GABRB3: variants seen among roughly 807,000 people sequenced by gnomAD.
GABRB3 encodes gamma-aminobutyric acid type A receptor subunit beta3.
In GABRB3, 14 loss-of-function variants were observed where a neutral mutation model predicts 52.1. That is an observed-to-expected ratio of 0.27 (90% CI 0.18 to 0.42). The LOEUF (loss-of-function observed/expected upper bound fraction) is 0.42. GABRB3 is among the 10% of genes least tolerant of loss of function. GABRB3 has a pLI of 1.00. For missense variants in GABRB3, 307 were observed against 609.1 expected, an observed-to-expected ratio of 0.50 and a Z score of 5.22; for synonymous variants, 260 against 232.3, an observed-to-expected ratio of 1.12 and a Z score of -1.08.
At chr15:26,563,061 G>C (rs142866419) in intron 7 of GABRB3, among the ~76,000 whole-genome samples, 4 of 152,198 alleles carry the variant, frequency 2.6e-5, no homozygotes, top group Non-Finnish European at 5.9e-5. Flanking sequence ...CAAAAAGTTT[G>C]TAATGTTGTT....
chr15:26,770,275 A>C (rs2140195928), intron 3 of GABRB3, among the ~76,000 whole-genome samples: 1 of 152,326 alleles, frequency 6.6e-6, no homozygotes, highest in Non-Finnish European at 1.5e-5. Flanking sequence ...TTTGTTTATA[A>C]TAGGTGTGTG....
intron 3 of GABRB3, among the ~76,000 whole-genome samples, chr15:26,684,539 C>T (rs957664588): frequency 3.9e-5 from 6 of 152,154 alleles, no homozygotes; most frequent in Admixed American, 2.0e-4. Context: ...TTTTGGCTTT[C>T]GGCGTGCCTT....
At chr15:26,634,997 T>G (rs1201136247) in intron 3 of GABRB3, among the ~76,000 whole-genome samples, 7 of 5,958 alleles carry the variant, frequency 1.2e-3, no homozygotes, top group African/African-American at 1.4e-3. Flanking sequence ...TATATATATA[T>G]ATATATATAT....
Position 26,572,942 on chromosome 15 carries a change from A to G in GABRB3, c.683-5209T>C, listed in dbSNP as rs559034999. Among the ~76,000 whole-genome samples the G allele has an allele frequency of 2.0e-5, 3 of 152,326 alleles. No individual in the cohort carries two copies. In the East Asian group the frequency reaches 5.8e-4, roughly 29 times the overall value. On this transcript the variant is annotated intron_variant, in intron 6 of 8. Coordinates refer to ENST00000311550, the MANE Select transcript of GABRB3 (RefSeq NM_000814.6). ...CCCAGATGCAGTCACCATTATGCCAAAAACACAGCTCTGGGTCTCTAATCC... is the reference window on the plus strand; with the variant it reads ...CCCAGATGCAGTCACCATTATGCCAGAAACACAGCTCTGGGTCTCTAATCC...
At chr15:26,619,571 T>C (rs956277318) in intron 4 of GABRB3, among the ~76,000 whole-genome samples, 12 of 149,454 alleles carry the variant, frequency 8.0e-5, no homozygotes, top group Non-Finnish European at 1.6e-4. Context: ...TAATGCTAGA[T>C]GACGAGTTAG....
chr15:26,611,311 A>G (rs1892062713), intron 4 of GABRB3, among the ~76,000 whole-genome samples: 1 of 152,200 alleles, frequency 6.6e-6, no homozygotes, highest in South Asian at 2.1e-4. Flanking sequence ...GGTCATTTCT[A>G]GTCAAATAAA....
chr15:26,748,263 T>C (rs1890405121), intron 3 of GABRB3, among the ~76,000 whole-genome samples: 1 of 152,148 alleles, frequency 6.6e-6, no homozygotes, highest in Non-Finnish European at 1.5e-5. Context: ...TCCTCTTCTA[T>C]TTTCTAGAGG....
At chr15:26,767,295 T>G (rs934810999) in intron 3 of GABRB3, 3 of 152,190 alleles carry the variant, frequency 2.0e-5, no homozygotes, top group Non-Finnish European at 4.4e-5. Flanking sequence ...CAGCGTGCTT[T>G]GTAATAAGAG....
intron 3 of GABRB3, among the ~76,000 whole-genome samples, chr15:26,695,497 T>C (rs1888709803): frequency 6.7e-6 from 1 of 149,972 alleles, no homozygotes; most frequent in African/African-American, 2.4e-5. Context: ...TTCAGCAAAA[T>C]TATCCCTGCA....
At chr15:26,615,179 T>A in intron 4 of GABRB3, 2 of 604,630 alleles carry the variant, frequency 3.3e-6, no homozygotes, top group Non-Finnish European at 4.1e-6. Context: ...GAAGAAAACT[T>A]CAGTGCAGCA....
At chr15:26,703,546 C>T (rs952417399) in intron 3 of GABRB3, among the ~76,000 whole-genome samples, 2 of 152,210 alleles carry the variant, frequency 1.3e-5, no homozygotes, top group African/African-American at 4.8e-5. Flanking sequence ...CTCATCTCAG[C>T]ATCAACTTTG....
chr15:26,753,331 C>T lies in GABRB3; in HGVS notation c.240+19071G>A, dbSNP rs115447156. ...ATAATACTGTGTAAGAGGAACCAGA[C>T]CACAGGAGATTCACAGGTGAAAGAC... On this transcript the variant is annotated intron_variant, in intron 3 of 8. Coordinates refer to ENST00000311550, the MANE Select transcript of GABRB3 (RefSeq NM_000814.6). Among the ~76,000 whole-genome samples, 5 of 152,274 alleles carry T rather than the reference C, an allele frequency of 3.3e-5. No homozygotes were observed. The East Asian group carries it at 9.7e-4, about 29-fold the overall frequency.
chr15:26,638,673 A>G (rs942661438), intron 3 of GABRB3, among the ~76,000 whole-genome samples: 2 of 152,104 alleles, frequency 1.3e-5, no homozygotes, highest in African/African-American at 4.8e-5. Context: ...TCAGAATCCC[A>G]GGAGGTAAAG....
intron 3 of GABRB3, among the ~76,000 whole-genome samples, chr15:26,731,930 G>T (rs1889925432): frequency 6.6e-6 from 1 of 152,188 alleles, no homozygotes; most frequent in Non-Finnish European, 1.5e-5. Flanking sequence ...TATAAAATTT[G>T]ATTAGATAAG....
At chr15:26,681,893 G>A (rs1471079169) in intron 3 of GABRB3, among the ~76,000 whole-genome samples, 1 of 152,098 alleles carries the variant, frequency 6.6e-6, no homozygotes, top group Non-Finnish European at 1.5e-5. Flanking sequence ...GATCACTTGA[G>A]GATGCAGTGA....
intron 3 of GABRB3, among the ~76,000 whole-genome samples, chr15:26,686,571 T>C (rs558081363): frequency 4.4e-4 from 67 of 152,348 alleles, no homozygotes; most frequent in African/African-American, 1.5e-3. Flanking sequence ...GGTCATACTG[T>C]GTGGCTTTAA....
chr15:26,720,502 G>C (rs969362289), intron 3 of GABRB3, among the ~76,000 whole-genome samples: 21 of 152,096 alleles, frequency 1.4e-4, no homozygotes, highest in African/African-American at 5.1e-4. Context: ...GGGCAAGCAG[G>C]CATCATTTCA....
intron 3 of GABRB3, among the ~76,000 whole-genome samples, chr15:26,696,124 G>T (rs1270295785): frequency 6.6e-6 from 1 of 152,078 alleles, no homozygotes; most frequent in Non-Finnish European, 1.5e-5. Flanking sequence ...TCCCATATTG[G>T]ACTTATAGGA....
chr15:26,583,701 AC>A (rs1454179528), intron 4 of GABRB3, among the ~76,000 whole-genome samples: 4 of 152,014 alleles, frequency 2.6e-5, no homozygotes, highest in Non-Finnish European at 4.4e-5. Context: ...TTTGTAATAT[AC>A]AGCATGATGT....
Sources: allele counts gnomAD v4.1 joint callset (sites outside exome capture counted in the v4.1 genomes callset), GRCh38; gene constraint gnomAD v4.1.1; transcripts MANE v1.5; gene names NCBI Gene and HGNC (gene_info 2026-07-23, HGNC 2026-07-21).